Variants in TESC observed in about 807,000 individuals in gnomAD.
TESC encodes tescalcin.
Under a neutral mutation model 31.0 loss-of-function variants are expected in TESC, and 19 were observed. The observed-to-expected ratio is 0.61, with a 90% confidence interval of 0.43 to 0.90. The LOEUF (loss-of-function observed/expected upper bound fraction) is 0.90. TESC is among the 40% of genes least tolerant of loss of function. The probability of loss-of-function intolerance (pLI) is 0.00; values close to 1 mark genes in which losing one functional copy is unlikely to be tolerated. For missense variants in TESC, 248 were observed against 303.8 expected (o/e 0.82, Z 1.36); for synonymous variants, 109 against 114.8 (o/e 0.95, Z 0.32).
At chr12:117,079,203 C>A (rs1184354108) in intron 1 of TESC, among the ~76,000 whole-genome samples, 2 of 152,144 alleles carry the variant, frequency 1.3e-5, no homozygotes, top group African/African-American at 4.8e-5. Flanking sequence ...CCAAAACACA[C>A]TGATCTGAAG....
chr12:117,058,664 G>A (rs971673966), intron 2 of TESC, among the ~76,000 whole-genome samples: 6 of 149,106 alleles, frequency 4.0e-5, no homozygotes, highest in Non-Finnish European at 7.4e-5. Context: ...GATTGTTTAA[G>A]CCCAGGAGTT....
At chr12:117,078,101 T>A (rs574588982) in intron 1 of TESC, among the ~76,000 whole-genome samples, 2 of 152,188 alleles carry the variant, frequency 1.3e-5, no homozygotes, top group African/African-American at 4.8e-5. Context: ...TACAAAAACA[T>A]GAATACATAA....
chr12:117,095,535 A>C (rs1955381170), intron 1 of TESC, among the ~76,000 whole-genome samples: 1 of 152,224 alleles, frequency 6.6e-6, no homozygotes, highest in African/African-American at 2.4e-5. Flanking sequence ...CTTGGTTCCT[A>C]GAAATTCAAG....
chr12:117,044,576 T>C (rs1954529780), intron 6 of TESC, among the ~76,000 whole-genome samples: 1 of 152,128 alleles, frequency 6.6e-6, no homozygotes. Flanking sequence ...CAAGCATCCA[T>C]GGGTGTGACC....
chr12:117,050,139 C>T (rs947147388), intron 3 of TESC, among the ~76,000 whole-genome samples: 1 of 77,752 alleles, frequency 1.3e-5, no homozygotes, highest in Non-Finnish European at 2.8e-5. Context: ...AAATGCTTGC[C>T]AAAAAAAAAA....
At chr12:117,052,731 C>T (rs1476987525) in intron 3 of TESC, among the ~76,000 whole-genome samples, 1 of 152,190 alleles carries the variant, frequency 6.6e-6, no homozygotes, top group African/African-American at 2.4e-5. Flanking sequence ...AGCTCCAGAC[C>T]CGGAGTCTCC....
intron 2 of TESC, among the ~76,000 whole-genome samples, chr12:117,058,563 GT>G (rs1204277960): frequency 2.1e-5 from 2 of 97,340 alleles, no homozygotes; most frequent in Non-Finnish European, 1.9e-5. Flanking sequence ...CAGTAAAGCT[GT>G]TAAAAAAAAA....
chr12:117,060,872 C>T (rs1449811625), intron 2 of TESC, among the ~76,000 whole-genome samples: 1 of 152,240 alleles, frequency 6.6e-6, no homozygotes, highest in East Asian at 1.9e-4. Flanking sequence ...TCTGGGAGAA[C>T]AGAGAAGCCG....
chr12:117,042,740 A>C (rs948326944), intron 6 of TESC, among the ~76,000 whole-genome samples: 1 of 151,694 alleles, frequency 6.6e-6, no homozygotes, highest in Non-Finnish European at 1.5e-5. Flanking sequence ...CAAAAACCTC[A>C]CCCTGCAGCT....
intron 1 of TESC, among the ~76,000 whole-genome samples, chr12:117,087,524 T>C (rs73203886): frequency 2.0e-5 from 3 of 152,316 alleles, no homozygotes; most frequent in Non-Finnish European, 4.4e-5. Context: ...GAATTGACTT[T>C]AGAATCTACT....
At chr12:117,052,520 C>T (rs897248847) in intron 3 of TESC, among the ~76,000 whole-genome samples, 20 of 152,156 alleles carry the variant, frequency 1.3e-4, no homozygotes, top group African/African-American at 4.6e-4. Flanking sequence ...ACTTCTGGGC[C>T]AGCCTTAGTC....
chr12:117,078,788 C>T (rs1039451341), intron 1 of TESC, among the ~76,000 whole-genome samples: 1 of 152,128 alleles, frequency 6.6e-6, no homozygotes, highest in South Asian at 2.1e-4. Context: ...GGATTAAAGA[C>T]TGTTTTGCTT....
chr12:117,088,509 C>T (rs1955252285), intron 1 of TESC, among the ~76,000 whole-genome samples: 1 of 152,068 alleles, frequency 6.6e-6, no homozygotes, highest in African/African-American at 2.4e-5. Context: ...GGCAAAACCC[C>T]GTCTCTACTA....
At position 117,038,935 on chromosome 12, in the gene TESC, C is replaced by T. The variant is rs919590542; in HGVS notation, c.*198G>A. ...GACAGAGGCCACATTAATTAACAAA[C>T]CTTTTTTTTTTTTTTATTGGAGATA... On this transcript the variant is annotated 3_prime_UTR_variant, in exon 8 of 8. Transcript: ENST00000335209. 17 of 555,768 alleles carry T rather than the reference C, an allele frequency of 3.1e-5. No individual in the cohort carries two copies. The highest frequency in any genetic ancestry group is 4.4e-5 in the Non-Finnish European group (14 of 318,518). 34.4% of individuals were successfully genotyped at this position (555,768 alleles called of 1,614,324 possible).
intron 1 of TESC, among the ~76,000 whole-genome samples, chr12:117,087,913 C>T (rs1341450765): frequency 6.6e-6 from 1 of 152,160 alleles, no homozygotes; most frequent in African/African-American, 2.4e-5. Context: ...CAGCCAAATG[C>T]CTGGAATTAT....
chr12:117,060,701 AC>A (rs1954790576), intron 2 of TESC, among the ~76,000 whole-genome samples: 1 of 152,086 alleles, frequency 6.6e-6, no homozygotes, highest in African/African-American at 2.4e-5. Flanking sequence ...GCCCCAGCTC[AC>A]CCAGTGGGGG....
At chr12:117,073,410 G>A (rs1716142133) in intron 2 of TESC, among the ~76,000 whole-genome samples, 1 of 152,142 alleles carries the variant, frequency 6.6e-6, no homozygotes, top group Non-Finnish European at 1.5e-5. Context: ...TTGTCTTTAA[G>A]TCGGCCTTGG....
chr12:117,075,901 A>ATATATATGTGTGTGTG (rs1955059408), intron 1 of TESC, among the ~76,000 whole-genome samples: 1 of 86,130 alleles, frequency 1.2e-5, no homozygotes, highest in African/African-American at 7.5e-5. Flanking sequence ...ATATATATAT[A>ATATATATGTGTGTGTG]TATATATATA....
At chr12:117,045,989 T>C (rs1954552091) in intron 6 of TESC, among the ~76,000 whole-genome samples, 1 of 152,046 alleles carries the variant, frequency 6.6e-6, no homozygotes, top group African/African-American at 2.4e-5. Context: ...TGAGTCTCAG[T>C]TTTCCCACCA....
Sources: gnomAD v4.1 joint callset for allele counts (sites outside exome capture counted in the v4.1 genomes callset) on GRCh38, gnomAD v4.1.1 for gene constraint, MANE v1.5 for transcripts, NCBI Gene and HGNC (gene_info 2026-07-23, HGNC 2026-07-21) for gene names.